Variants in DLG2 observed in about 807,000 individuals in gnomAD.
DLG2 encodes discs large MAGUK scaffold protein 2, also known as disks large homolog 2.
In DLG2, 45 loss-of-function variants were observed where a neutral mutation model predicts 132.5. That is an observed-to-expected ratio of 0.34 (90% CI 0.27 to 0.44). The LOEUF is 0.44. Ranked by LOEUF, DLG2 falls within the 20% of genes least tolerant of loss-of-function variation. The pLI, the probability that DLG2 is intolerant of heterozygous loss-of-function variation, is 1.00. For missense variants in DLG2, 1,045 were observed against 1,196.9 expected, an observed-to-expected ratio of 0.87 and a Z score of 1.87; for synonymous variants, 424 against 419.6, an observed-to-expected ratio of 1.01 and a Z score of -0.13.
intron 5 of DLG2, among the ~76,000 whole-genome samples, chr11:85,120,312 G>A (rs2074147687): frequency 6.6e-6 from 1 of 152,118 alleles, no homozygotes; most frequent in African/African-American, 2.4e-5. Context: ...GAACGGACTA[G>A]CAATTAGATA....
chr11:83,556,385 T>A (rs989633416), intron 19 of DLG2, among the ~76,000 whole-genome samples: 1 of 151,682 alleles, frequency 6.6e-6, no homozygotes, highest in African/African-American at 2.4e-5. Flanking sequence ...TTTCTTTTTT[T>A]TTTTTGAGAT....
chr11:85,021,057 A>T, intron 6 of DLG2: 1 of 772,968 alleles, frequency 1.3e-6, no homozygotes. Flanking sequence ...CAGGTTTCCC[A>T]GGAGAGAATC....
intron 3 of DLG2, among the ~76,000 whole-genome samples, chr11:85,467,259 G>T (rs997857864): frequency 6.6e-6 from 1 of 152,120 alleles, no homozygotes; most frequent in African/African-American, 2.4e-5. Context: ...CTCCAAACAG[G>T]GACAATTTGA....
Position 84,970,545 on chromosome 11 carries a change from CT to C in DLG2, c.357+141115del, listed in dbSNP as rs1242697904. ...CAGCAGATGTGATGACTGCTGAGGG[CT>C]CTCTTCCTTATAAATGGCTGTCTTC... On this transcript the variant is annotated intron_variant, in intron 6 of 27. Transcript: ENST00000376104. 1.2e-3 allele frequency among the ~76,000 whole-genome samples: 190 copies of C among 152,172 alleles called. 2 individuals are homozygous for C. The highest frequency in any genetic ancestry group is 3.3e-3 in the Admixed American group (50 of 15,260).
chr11:83,661,575 A>G (rs1257877846), intron 18 of DLG2, among the ~76,000 whole-genome samples: 2 of 152,138 alleles, frequency 1.3e-5, no homozygotes, highest in Admixed American at 6.5e-5. Flanking sequence ...TTTGGTTAGA[A>G]ACAGCAACAG....
chr11:84,332,096 A>T (rs2098462431), intron 7 of DLG2, among the ~76,000 whole-genome samples: 2 of 152,180 alleles, frequency 1.3e-5, no homozygotes, highest in Non-Finnish European at 2.9e-5. Context: ...TTTATGTGCA[A>T]TTTCCTAAAC....
intron 18 of DLG2, among the ~76,000 whole-genome samples, chr11:83,649,247 G>A (rs1280596578): frequency 3.3e-5 from 5 of 151,926 alleles, no homozygotes; most frequent in Admixed American, 6.6e-5. Context: ...TTCCTGCTGG[G>A]CATTCTATTT....
intron 6 of DLG2, 48 bp downstream of exon 6, chr11:85,111,612 TA>T: frequency 1.4e-6 from 2 of 1,442,684 alleles, no homozygotes; most frequent in Non-Finnish European, 1.9e-6. Context: ...TTCCAAAATA[TA>T]AAAACATTTA....
chr11:85,193,133 T>A (rs373284268), intron 4 of DLG2, among the ~76,000 whole-genome samples: 1 of 152,182 alleles, frequency 6.6e-6, no homozygotes, highest in South Asian at 2.1e-4. Flanking sequence ...TTTCTATCTC[T>A]ATGAATTTGC....
At chr11:84,895,810 T>C (rs1477485402) in intron 6 of DLG2, among the ~76,000 whole-genome samples, 1 of 152,008 alleles carries the variant, frequency 6.6e-6, no homozygotes, top group Non-Finnish European at 1.5e-5. Flanking sequence ...AGGTATGCAC[T>C]ATAATAATCA....
At chr11:83,555,511 T>A (rs1326833451) in intron 19 of DLG2, among the ~76,000 whole-genome samples, 1 of 152,136 alleles carries the variant, frequency 6.6e-6, no homozygotes, top group Non-Finnish European at 1.5e-5. Flanking sequence ...TGGACAGAGG[T>A]CTCAGATATT....
At position 84,664,578 on chromosome 11, in the gene DLG2, A is replaced by G. The variant is rs139204098; in HGVS notation, c.358-129847T>C. ...ATGTGGCAAAAGCCCCAGCTTTTCA[A>G]ACTTATGCCTGGAGGTCAGGTAATT... On this transcript the variant is annotated intron_variant, in intron 6 of 27. Coordinates refer to ENST00000376104, the MANE Select transcript of DLG2 (RefSeq NM_001142699.3). Among the ~76,000 whole-genome samples, 439 of 152,234 alleles carry G rather than the reference A, an allele frequency of 2.9e-3. 1 individual carries two copies. Among genetic ancestry groups the G allele is most frequent in the African/African-American group, 9.6e-3 (401 of 41,562 alleles).
chr11:83,772,879 T>A (rs2094453308), intron 18 of DLG2, among the ~76,000 whole-genome samples: 3 of 152,184 alleles, frequency 2.0e-5, no homozygotes, highest in African/African-American at 7.2e-5. Context: ...TGGCTACTAA[T>A]AGGGGCAAGA....
chr11:84,062,389 T>C (rs2096605169), intron 10 of DLG2, among the ~76,000 whole-genome samples: 1 of 152,150 alleles, frequency 6.6e-6, no homozygotes, highest in Non-Finnish European at 1.5e-5. Context: ...TGCAGGAGAG[T>C]ACCCATAGCT....
intron 7 of DLG2, among the ~76,000 whole-genome samples, chr11:84,340,301 G>A (rs1230929986): frequency 1.3e-5 from 2 of 152,054 alleles, no homozygotes; most frequent in Non-Finnish European, 1.5e-5. Flanking sequence ...GACACATAAC[G>A]CCTAGGTCTG....
intron 8 of DLG2, among the ~76,000 whole-genome samples, chr11:84,214,274 C>CAT (rs1040285244): frequency 1.6e-5 from 2 of 128,512 alleles, no homozygotes; most frequent in African/African-American, 8.5e-5. Flanking sequence ...TATATATACA[C>CAT]ATATATGAAT....
At chr11:84,712,828 G>T (rs531795855) in intron 6 of DLG2, among the ~76,000 whole-genome samples, 1 of 152,012 alleles carries the variant, frequency 6.6e-6, no homozygotes, top group Non-Finnish European at 1.5e-5. Flanking sequence ...TTCTCACCTT[G>T]ATTTCCAAAA....
intron 4 of DLG2, among the ~76,000 whole-genome samples, chr11:85,239,811 T>A (rs1408717304): frequency 6.6e-6 from 1 of 152,014 alleles, no homozygotes; most frequent in East Asian, 1.9e-4. Flanking sequence ...TAAATGGACA[T>A]TTAGATTATT....
At chr11:84,739,984 A>T (rs1255372330) in intron 6 of DLG2, among the ~76,000 whole-genome samples, 1 of 151,738 alleles carries the variant, frequency 6.6e-6, no homozygotes, top group Non-Finnish European at 1.5e-5. Flanking sequence ...GTCTTGGGGG[A>T]TATTAACCAG....
Sources: gnomAD v4.1 joint callset for allele counts (sites outside exome capture counted in the v4.1 genomes callset) on GRCh38, gnomAD v4.1.1 for gene constraint, MANE v1.5 for transcripts, NCBI Gene and HGNC (gene_info 2026-07-23, HGNC 2026-07-21) for gene names.